SLC8A1: variants seen among roughly 807,000 people sequenced by gnomAD.
The protein encoded by SLC8A1 is solute carrier family 8 member A1, also known as sodium/calcium exchanger 1.
In SLC8A1, 18 loss-of-function variants were observed where a neutral mutation model predicts 68.3. The observed-to-expected ratio is 0.26, with a 90% CI of 0.18 to 0.39. The LOEUF is 0.39. Ranked by LOEUF, SLC8A1 falls within the 10% of genes least tolerant of loss-of-function variation. SLC8A1 has a pLI of 1.00. For missense variants in SLC8A1, 985 were observed against 1,156.7 expected (o/e 0.85, Z 2.15); for synonymous variants, 475 against 415.5 (o/e 1.14, Z -1.74).
At chr2:40,313,509 A>T (rs538822575) in intron 2 of SLC8A1, among the ~76,000 whole-genome samples, 55 of 152,082 alleles carry the variant, frequency 3.6e-4, no homozygotes, top group Admixed American at 1.6e-3. Context: ...ACCATTTTAC[A>T]TTCCAACCAG....
At chr2:40,270,394 T>C (rs2065879134) in intron 2 of SLC8A1, among the ~76,000 whole-genome samples, 1 of 152,244 alleles carries the variant, frequency 6.6e-6, no homozygotes, top group Non-Finnish European at 1.5e-5. Context: ...ACACAGGTCT[T>C]ACTAGGCTAA....
At chr2:40,173,290 T>TA (rs573259161) in intron 4 of SLC8A1, among the ~76,000 whole-genome samples, 1 of 152,028 alleles carries the variant, frequency 6.6e-6, no homozygotes, top group African/African-American at 2.4e-5. Context: ...GATAAAAGTT[T>TA]AAAAAAAGGA....
intron 1 of SLC8A1, chr2:40,446,742 C>T (rs1430541347): frequency 6.6e-6 from 1 of 152,210 alleles, no homozygotes; most frequent in African/African-American, 2.4e-5. Flanking sequence ...TTTCACTGAA[C>T]CATAGTCTTC....
At chr2:40,154,625 C>G (rs1339565351) in intron 6 of SLC8A1, among the ~76,000 whole-genome samples, 2 of 150,162 alleles carry the variant, frequency 1.3e-5, no homozygotes, top group Non-Finnish European at 3.0e-5. Context: ...CTGCGCCCAG[C>G]CAAAGTGGGC....
exon 8 of SLC8A1, chr2:40,105,414 G>A (rs1327573333): frequency 6.6e-6 from 1 of 152,198 alleles, no homozygotes; most frequent in Non-Finnish European, 1.5e-5. Flanking sequence ...TACTATCCAT[G>A]GATCTGATGT....
intron 2 of SLC8A1, among the ~76,000 whole-genome samples, chr2:40,207,735 A>G (rs1044786445): frequency 2.0e-5 from 3 of 152,100 alleles, no homozygotes; most frequent in African/African-American, 7.2e-5. Context: ...CTTCTGGAAT[A>G]TTTGGTTTAA....
intron 4 of SLC8A1, among the ~76,000 whole-genome samples, chr2:40,171,403 T>C (rs1013062177): frequency 4.6e-5 from 7 of 152,342 alleles, no homozygotes; most frequent in African/African-American, 1.7e-4. Flanking sequence ...TCTTAGAAGT[T>C]TTGGGGATCA....
In SLC8A1 at chr2:40,253,831, C is replaced by CAAAA. The variant is rs61434245; in HGVS notation, c.1809-75980_1809-75977dup. Among the ~76,000 whole-genome samples, 39 of 59,810 alleles carry CAAAA rather than the reference C, an allele frequency of 6.5e-4. 1 individual carries two copies. Among genetic ancestry groups the CAAAA allele is most frequent in the African/African-American group, 2.2e-3 (35 of 15,608 alleles). 39.2% of individuals were successfully genotyped at this position (59,810 alleles called of 152,430 possible). A position where few individuals can be genotyped will look rare whatever the true frequency, so the allele number is the denominator to read the frequency against. ...AACAGAGCCAAACTCTGTCTGTCTC[C>CAAAA]AAAAAAAAAAAAAAAAAAAAAAAAA... is the stretch of plus-strand genomic sequence containing the variant. On this transcript the variant is annotated intron_variant, in intron 2 of 7. Coordinates refer to ENST00000406785, the Ensembl canonical transcript of SLC8A1.
intron 1 of SLC8A1, among the ~76,000 whole-genome samples, chr2:40,478,696 C>T (rs1292023494): frequency 6.6e-6 from 1 of 151,552 alleles, no homozygotes; most frequent in Non-Finnish European, 1.5e-5. Flanking sequence ...GACTTTTATA[C>T]TTTGATAGAC....
chr2:40,356,940 T>A (rs553528523), intron 2 of SLC8A1, among the ~76,000 whole-genome samples: 15 of 152,322 alleles, frequency 9.8e-5, no homozygotes, highest in African/African-American at 3.6e-4. Context: ...TTTCTCTGCT[T>A]CTTGTCACCA....
chr2:40,143,624 A>C (rs2041962672), intron 6 of SLC8A1, among the ~76,000 whole-genome samples: 1 of 152,198 alleles, frequency 6.6e-6, no homozygotes, highest in South Asian at 2.1e-4. Context: ...AAAGTAACCA[A>C]ATCATTAAAA....
chr2:40,221,745 G>A (rs1240559628), intron 2 of SLC8A1, among the ~76,000 whole-genome samples: 1 of 152,160 alleles, frequency 6.6e-6, no homozygotes, highest in Non-Finnish European at 1.5e-5. Context: ...CAATCAGAGA[G>A]CCAAATCATG....
At chr2:40,485,249 G>T (rs1157683274) in intron 1 of SLC8A1, among the ~76,000 whole-genome samples, 1 of 152,076 alleles carries the variant, frequency 6.6e-6, no homozygotes, top group Non-Finnish European at 1.5e-5. Flanking sequence ...ATTATTATAT[G>T]GAACCGGACA....
intron 1 of SLC8A1, among the ~76,000 whole-genome samples, chr2:40,448,083 C>A (rs1381478072): frequency 6.6e-6 from 1 of 152,178 alleles, no homozygotes; most frequent in Non-Finnish European, 1.5e-5. Flanking sequence ...CTTGAGGCAG[C>A]AAGGACTACG....
Position 40,365,360 on chromosome 2 carries a change from C to T in SLC8A1, c.1808+63113G>A, listed in dbSNP as rs940557172. Among the ~76,000 whole-genome samples, 14 of 152,138 alleles carry T rather than the reference C, an allele frequency of 9.2e-5. No individual in the cohort carries two copies. The East Asian group carries it at 1.9e-3, about 21-fold the overall frequency. ...GCTTCAGGGCTATATCTTTACACAT[C>T]CAAACATCTAAATAACCTGTAGAAA... On this transcript the variant is annotated intron_variant, in intron 2 of 7. Transcript: ENST00000406785.
chr2:40,445,139 T>C (rs1701210336), intron 1 of SLC8A1, among the ~76,000 whole-genome samples: 1 of 152,226 alleles, frequency 6.6e-6, no homozygotes, highest in South Asian at 2.1e-4. Flanking sequence ...ACCACAAGCC[T>C]TTTTAATATT....
At chr2:40,401,567 CAAAAAAAAAAA>C (rs3060361) in intron 2 of SLC8A1, among the ~76,000 whole-genome samples, 1 of 94,094 alleles carries the variant, frequency 1.1e-5, no homozygotes, top group Non-Finnish European at 2.0e-5. Flanking sequence ...ATAGGCCAGT[CAAAAAAAAAAA>C]AAAAAAAAAA....
chr2:40,281,545 C>T (rs541709140), intron 2 of SLC8A1, among the ~76,000 whole-genome samples: 1 of 152,256 alleles, frequency 6.6e-6, no homozygotes, highest in South Asian at 2.1e-4. Context: ...AACTTGCACT[C>T]GTGAAAGTTA....
At chr2:40,213,853 G>T (rs1413317863) in intron 2 of SLC8A1, among the ~76,000 whole-genome samples, 1 of 152,114 alleles carries the variant, frequency 6.6e-6, no homozygotes, top group Non-Finnish European at 1.5e-5. Flanking sequence ...GCTTGCTTTG[G>T]GTGTTCCAAA....
Sources: gnomAD v4.1 joint callset for allele counts (sites outside exome capture counted in the v4.1 genomes callset) on GRCh38, gnomAD v4.1.1 for gene constraint, MANE v1.5 for transcripts, NCBI Gene and HGNC (gene_info 2026-07-23, HGNC 2026-07-21) for gene names.